Variants in HCN1 observed in about 807,000 individuals in gnomAD.
HCN1 encodes hyperpolarization activated cyclic nucleotide gated potassium channel 1.
In HCN1, 13 loss-of-function variants were observed where a neutral mutation model predicts 78.9. The ratio of observed to expected loss-of-function variants is 0.16; its 90% CI spans 0.11 to 0.26. The LOEUF is 0.26. Among genes scored for constraint, HCN1 ranks in the 10% least tolerant of loss-of-function variants. The pLI is 1.00. For missense variants in HCN1, 810 were observed against 1,154.3 expected (o/e 0.70, Z 4.32); for synonymous variants, 552 against 455.5 (o/e 1.21, Z -2.70).
rs1747433515 is a variant in HCN1, at chr5:45,372,651, ATAAAACATTTATATAT to A, written c.1231-19421_1231-19406del. Among the ~76,000 whole-genome samples, 2 of 117,264 alleles carry A rather than the reference ATAAAACATTTATATAT, an allele frequency of 1.7e-5. 1 individual carries two copies. Among genetic ancestry groups the A allele is most frequent in the African/African-American group, 8.3e-5 (2 of 24,206 alleles). The allele number at this position is 117,264 out of a possible 152,430, so 76.9% of individuals were successfully genotyped here. On this transcript the variant is annotated intron_variant, in intron 4 of 7. Transcript: ENST00000303230. ...TATAAAACATTTTATATAAAAATAT[ATAAAACATTTATATAT>A]AAAAATATAAAATATTTATATATAA...
intron 2 of HCN1, among the ~76,000 whole-genome samples, chr5:45,568,759 T>C (rs931758371): frequency 1.3e-5 from 2 of 152,086 alleles, no homozygotes; most frequent in African/African-American, 4.8e-5. Context: ...AACCACTAGG[T>C]TCTTTTTTTA....
intron 5 of HCN1, among the ~76,000 whole-genome samples, chr5:45,305,487 G>A (rs993757004): frequency 6.6e-6 from 1 of 152,122 alleles, no homozygotes; most frequent in African/African-American, 2.4e-5. Flanking sequence ...GATATTACAT[G>A]TGGTACTTGG....
At chr5:45,330,040 G>A (rs557401206) in intron 5 of HCN1, among the ~76,000 whole-genome samples, 128 of 151,336 alleles carry the variant, frequency 8.5e-4, no homozygotes, top group Non-Finnish European at 1.4e-3. Context: ...CGAAAAAAAT[G>A]CACAATAATA....
chr5:45,497,205 A>C (rs1258435836), intron 2 of HCN1, among the ~76,000 whole-genome samples: 3 of 152,132 alleles, frequency 2.0e-5, no homozygotes, highest in African/African-American at 7.2e-5. Context: ...AATTCTGTAG[A>C]TGTCTATTAG....
At chr5:45,482,841 A>G (rs900861178) in intron 2 of HCN1, among the ~76,000 whole-genome samples, 1 of 152,162 alleles carries the variant, frequency 6.6e-6, no homozygotes, top group Non-Finnish European at 1.5e-5. Context: ...TCCCACTTGT[A>G]AGTGAGAACA....
At chr5:45,373,006 A>T (rs892906249) in intron 4 of HCN1, among the ~76,000 whole-genome samples, 1 of 138,692 alleles carries the variant, frequency 7.2e-6, no homozygotes, top group African/African-American at 2.6e-5. Context: ...AAATAAAATT[A>T]TATAAAATAT....
intron 3 of HCN1, among the ~76,000 whole-genome samples, chr5:45,431,920 C>T (rs1359690751): frequency 1.3e-5 from 2 of 152,176 alleles, no homozygotes; most frequent in South Asian, 2.1e-4. Context: ...TATTTAGGCT[C>T]TTTTTTGATT....
intron 6 of HCN1, among the ~76,000 whole-genome samples, chr5:45,277,052 C>T (rs1294090952): frequency 2.6e-5 from 4 of 151,972 alleles, no homozygotes; most frequent in Admixed American, 6.6e-5. Flanking sequence ...GAAAGTTAGT[C>T]CTGGTCTACA....
At chr5:45,474,822 G>C (rs534495114) in intron 2 of HCN1, among the ~76,000 whole-genome samples, 1 of 151,928 alleles carries the variant, frequency 6.6e-6, no homozygotes, top group African/African-American at 2.4e-5. Context: ...TAATGTCTTG[G>C]TATCTCAAGG....
At chr5:45,450,608 A>G (rs1740897443) in intron 3 of HCN1, among the ~76,000 whole-genome samples, 1 of 152,226 alleles carries the variant, frequency 6.6e-6, no homozygotes, top group East Asian at 1.9e-4. Flanking sequence ...TAGACAAATA[A>G]ATAAGCAAAA....
intron 2 of HCN1, among the ~76,000 whole-genome samples, chr5:45,482,476 T>C (rs980115168): frequency 6.6e-6 from 1 of 151,918 alleles, no homozygotes; most frequent in African/African-American, 2.4e-5. Flanking sequence ...GAAAGAAAAA[T>C]AGCAAAAAGA....
Position 45,511,564 on chromosome 5 carries a change from C to T in HCN1, c.850-49557G>A, listed in dbSNP as rs569815738. Among the ~76,000 whole-genome samples, 1,018 of 152,058 alleles carry T rather than the reference C, an allele frequency of 6.7e-3. 7 individuals are homozygous for T. The highest frequency in any genetic ancestry group is 0.023 in the African/African-American group (975 of 41,498). Reference sequence around the variant, plus strand: ...TATATTACTTCTGTGGCTTTTCTCCCAAAGACTTACAACCCCTTTGTAACA... The same window carrying T: ...TATATTACTTCTGTGGCTTTTCTCCTAAAGACTTACAACCCCTTTGTAACA... On this transcript the variant is annotated intron_variant, in intron 2 of 7. Coordinates refer to ENST00000303230, the MANE Select transcript of HCN1 (RefSeq NM_021072.4).
intron 5 of HCN1, among the ~76,000 whole-genome samples, chr5:45,307,888 T>C (rs768940085): frequency 8.6e-5 from 13 of 152,006 alleles, no homozygotes; most frequent in Non-Finnish European, 1.2e-4. Flanking sequence ...ACGGGGGAAA[T>C]TGGATGTGAT....
At chr5:45,640,958 A>G (rs1745443877) in intron 2 of HCN1, among the ~76,000 whole-genome samples, 2 of 152,134 alleles carry the variant, frequency 1.3e-5, no homozygotes, top group Admixed American at 6.6e-5. Flanking sequence ...GTAAAACTGA[A>G]ACACAAACAG....
chr5:45,679,612 T>C (rs979899496), intron 1 of HCN1, among the ~76,000 whole-genome samples: 3 of 152,220 alleles, frequency 2.0e-5, no homozygotes, highest in Admixed American at 6.6e-5. Context: ...GGTGAAGTCA[T>C]GGAACCATCT....
chr5:45,360,405 T>G (rs1685191480), intron 4 of HCN1, among the ~76,000 whole-genome samples: 2 of 151,958 alleles, frequency 1.3e-5, no homozygotes, highest in Admixed American at 1.3e-4. Flanking sequence ...TATCTTAATT[T>G]TTACCAAGAA....
chr5:45,375,440 A>T (rs1362032331), intron 4 of HCN1, among the ~76,000 whole-genome samples: 1 of 116,118 alleles, frequency 8.6e-6, no homozygotes, highest in Admixed American at 1.1e-4. Context: ...TATTATATAT[A>T]AGATCATATT....
chr5:45,387,137 G>A (rs1188466099), intron 4 of HCN1, among the ~76,000 whole-genome samples: 1 of 151,716 alleles, frequency 6.6e-6, no homozygotes, highest in Non-Finnish European at 1.5e-5. Flanking sequence ...TCCCAAAGTG[G>A]TTTATAGTTG....
chr5:45,650,435 CAACTGAAGGGGATGGAGAAAGA>C (rs1036440964), intron 1 of HCN1, among the ~76,000 whole-genome samples: 2 of 151,958 alleles, frequency 1.3e-5, no homozygotes, highest in African/African-American at 2.4e-5. Flanking sequence ...AAAACCCCAT[CAACTGAAGGGGATGGAGAAAGA>C]AACTGTTACG....
Sources: allele counts gnomAD v4.1 joint callset (sites outside exome capture counted in the v4.1 genomes callset), GRCh38; gene constraint gnomAD v4.1.1; transcripts MANE v1.5; gene names NCBI Gene and HGNC (gene_info 2026-07-23, HGNC 2026-07-21).